Variants in HMCN1 observed in about 807,000 individuals in gnomAD.
HMCN1 encodes the protein hemicentin-1.
In HMCN1, 321 loss-of-function variants were observed where a neutral mutation model predicts 625.9. The observed-to-expected ratio is 0.51, with a 90% CI of 0.47 to 0.56. HMCN1 has a LOEUF of 0.56. HMCN1 is among the 20% of genes least tolerant of loss of function. The pLI is 0.00. For synonymous variants in HMCN1, 2,425 were observed against 2,417.6 expected (o/e 1.00, Z -0.09); for missense variants, 6,588 against 6,887.3 (o/e 0.96, Z 1.54).
Position 186,123,105 on chromosome 1 carries a change from C to T in HMCN1, c.12384C>T (p.Leu4128=), listed in dbSNP as rs1417710018. 6.2e-7 allele frequency: 1 copy of T among 1,614,112 alleles called. No homozygotes were observed. The highest frequency in any genetic ancestry group is 2.2e-5 in the East Asian group (1 of 44,862). The change falls in exon 81 of 107, where the codon CTC becomes CTT. Residue 4128 remains leucine (L), a synonymous_variant. Coordinates refer to ENST00000271588, the MANE Select transcript of HMCN1 (RefSeq NM_031935.3). ...AIVESIRQRV[L]SSGSLQIAFV... ...TGGAATCTATCCGCCAGCGCGTCCT[C>T]AGCTCTGGCTCTCTGCAAATAGCAT...
Position 186,067,818 on chromosome 1 carries a change from T to C in HMCN1, c.7706-16T>C, listed in dbSNP as rs780496057. 9 of 1,586,730 alleles carry C rather than the reference T, an allele frequency of 5.7e-6. No individual in the cohort carries two copies. The highest frequency in any genetic ancestry group is 1.7e-4 in the Middle Eastern group (1 of 5,982). ...TTTCTACATATATTTCTTCAACAAA[T>C]TTTCATCTTTTTCAGTATCTCCTAC... On this transcript the variant is annotated splice_polypyrimidine_tract_variant and intron_variant, in intron 49 of 106. Coordinates refer to ENST00000271588, the MANE Select transcript of HMCN1 (RefSeq NM_031935.3).
chr1:186,061,811 TC>T (rs1286688147), intron 46 of HMCN1, 39 bp from the exon 47 acceptor site: 4 of 1,424,898 alleles, frequency 2.8e-6, no homozygotes, highest in Non-Finnish European at 2.0e-6. Context: ...GTTTCATTTT[TC>T]TTTTTAAGTT....
At chr1:185,923,993 A>T (rs1349095385) in intron 8 of HMCN1, among the ~76,000 whole-genome samples, 2 of 152,172 alleles carry the variant, frequency 1.3e-5, no homozygotes, top group Non-Finnish European at 2.9e-5. Context: ...GTTTATATAC[A>T]ATTGTCAGAA....
intron 19 of HMCN1, among the ~76,000 whole-genome samples, chr1:185,985,956 T>C (rs891689306): frequency 2.6e-5 from 4 of 152,226 alleles, no homozygotes; most frequent in Non-Finnish European, 4.4e-5. Flanking sequence ...CACACCCAAA[T>C]GTCATTAGAT....
intron 49 of HMCN1, among the ~76,000 whole-genome samples, chr1:186,067,141 A>G (rs1165028217): frequency 6.6e-6 from 1 of 152,184 alleles, no homozygotes; most frequent in African/African-American, 2.4e-5. Context: ...GCAAACTGGA[A>G]GTTATATTTG....
intron 36 of HMCN1, among the ~76,000 whole-genome samples, chr1:186,035,860 C>T (rs1338777919): frequency 6.6e-6 from 1 of 152,110 alleles, no homozygotes; most frequent in Non-Finnish European, 1.5e-5. Flanking sequence ...CACACATACA[C>T]ATATGCATAC....
intron 4 of HMCN1, among the ~76,000 whole-genome samples, chr1:185,895,288 G>A (rs947881221): frequency 2.0e-5 from 3 of 152,150 alleles, no homozygotes; most frequent in Admixed American, 6.5e-5. Context: ...GTGATTTTTT[G>A]TATGTTCCAA....
intron 4 of HMCN1, among the ~76,000 whole-genome samples, chr1:185,889,289 A>C (rs1203874015): frequency 7.1e-6 from 1 of 141,816 alleles, no homozygotes; most frequent in Admixed American, 6.9e-5. Context: ...TTCCTAATTG[A>C]ATACCCTTTA....
At chr1:186,112,085 T>C (rs1660916055) in intron 71 of HMCN1, among the ~76,000 whole-genome samples, 1 of 152,366 alleles carries the variant, frequency 6.6e-6, no homozygotes, top group East Asian at 1.9e-4. Context: ...CAATTAGACT[T>C]AATAGCAGAG....
intron 7 of HMCN1, 61 bp from the exon 8 acceptor site, chr1:185,923,328 AT>A: frequency 1.6e-6 from 2 of 1,254,226 alleles, no homozygotes; most frequent in Non-Finnish European, 2.3e-6. Context: ...GCAAATACTT[AT>A]TTGATATATA....
chr1:186,190,860 T>G lies in HMCN1; in HGVS notation c.*982T>G, dbSNP rs886045700. 1 of 188,508 alleles carries G rather than the reference T, an allele frequency of 5.3e-6. No individual in the cohort carries two copies. Among genetic ancestry groups the G allele is most frequent in the Non-Finnish European group, 1.1e-5 (1 of 89,218 alleles). The allele number at this position is 188,508 out of a possible 1,614,324, so 11.7% of individuals were successfully genotyped here. A position where few individuals can be genotyped will look rare whatever the true frequency, so the allele number is the denominator to read the frequency against. ...CTTAGTGTGCATTTTCTATATAATA[T>G]CTTGATGGACTCTTTTATAAAATTA... is the stretch of plus-strand genomic sequence containing the variant. On this transcript the variant is annotated 3_prime_UTR_variant, in exon 107 of 107. Transcript: ENST00000271588.
chr1:185,849,222 G>A (rs560177805), intron 2 of HMCN1, among the ~76,000 whole-genome samples: 3 of 151,974 alleles, frequency 2.0e-5, no homozygotes, highest in African/African-American at 7.2e-5. Flanking sequence ...ATCTCCTCAG[G>A]GCATTTTTGC....
chr1:185,894,043 G>A (rs1053385873), intron 4 of HMCN1, among the ~76,000 whole-genome samples: 13 of 149,986 alleles, frequency 8.7e-5, no homozygotes, highest in African/African-American at 3.3e-4. Context: ...GCTGAGGCAG[G>A]AGAATGGCGT....
Position 185,869,519 on chromosome 1 carries a change from G to A in HMCN1, c.621+3656G>A, listed in dbSNP as rs190357833. Among the ~76,000 whole-genome samples the A allele has an allele frequency of 5.0e-3, 754 of 152,152 alleles. 3 individuals are homozygous for A. The highest frequency in any genetic ancestry group is 9.4e-3 in the Non-Finnish European group (639 of 67,978). On this transcript the variant is annotated intron_variant, in intron 4 of 106. Transcript: ENST00000271588. ...GAAATTAGATGTCTGATTGTTACTT[G>A]GAAATAAATCTGAGTAGAAGAATCC...
chr1:186,039,122 T>C (rs1257008028), intron 38 of HMCN1, 117 bp downstream of exon 38: 2 of 781,752 alleles, frequency 2.6e-6, no homozygotes, highest in African/African-American at 3.4e-5. Flanking sequence ...CATCTTTATG[T>C]AAGGGCACAG....
intron 2 of HMCN1, among the ~76,000 whole-genome samples, chr1:185,853,585 A>T (rs903938073): frequency 6.6e-6 from 1 of 152,132 alleles, no homozygotes; most frequent in African/African-American, 2.4e-5. Flanking sequence ...AAACCATCCT[A>T]CATCCCCAGA....
intron 72 of HMCN1, 50 bp downstream of exon 72, chr1:186,113,003 A>G (rs770908078): frequency 6.3e-7 from 1 of 1,598,394 alleles, no homozygotes; most frequent in Non-Finnish European, 8.6e-7. Flanking sequence ...GACCAAGGGC[A>G]TTCAAAGAGA....
At position 185,933,751 on chromosome 1, in the gene HMCN1, T is replaced by A. The variant is rs371997839; in HGVS notation, c.1755T>A (p.Asp585Glu). The A allele has an allele frequency of 5.9e-5, 96 of 1,613,862 alleles. No individual in the cohort carries two copies. Among genetic ancestry groups the A allele is most frequent in the Non-Finnish European group, 7.6e-5 (90 of 1,179,876 alleles). ...SLELKSVKFNDAGEYHCMVSS... is the reference protein window; with the variant it reads ...SLELKSVKFNEAGEYHCMVSS... ...AGCTAAAGAGTGTGAAATTCAACGA[T>A]GCTGGAGAGTATCATTGTATGGTTT... The change falls in exon 11 of 107, where the codon GAT becomes GAA. Residue 585 changes from aspartate (D) to glutamate (E), a missense_variant. This residue lies in a region of HMCN1 where 4,628 missense variants were observed against 4,853.1 expected (regional missense o/e 0.95). Coordinates refer to ENST00000271588, the MANE Select transcript of HMCN1 (RefSeq NM_031935.3).
chr1:185,864,871 G>A (rs1663083873), intron 3 of HMCN1, among the ~76,000 whole-genome samples: 1 of 152,164 alleles, frequency 6.6e-6, no homozygotes, highest in African/African-American at 2.4e-5. Flanking sequence ...ATTAATTAAG[G>A]TACTTGTTAT....
Sources: gnomAD v4.1 joint callset for allele counts (sites outside exome capture counted in the v4.1 genomes callset) on GRCh38, gnomAD v4.1.1 for gene constraint, gnomAD v4.1.1 regional missense constraint, MANE v1.5 for transcripts, NCBI Gene and HGNC (gene_info 2026-07-23, HGNC 2026-07-21) for gene names.